The following ABCC12 variants were observed in gnomAD, a reference collection of about 807,000 sequenced individuals.
The protein encoded by ABCC12 is ATP-binding cassette sub-family C member 12.
In ABCC12, 142 loss-of-function variants were observed where a neutral mutation model predicts 151.1. The observed-to-expected ratio is 0.94, with a 90% CI of 0.82 to 1.08. The LOEUF is 1.08. Ranked by LOEUF, ABCC12 falls within the 50% of genes least tolerant of loss-of-function variation. ABCC12 has a pLI of 0.00. For synonymous variants in ABCC12, 645 were observed against 646.4 expected, an observed-to-expected ratio of 1.00 and a Z score of 0.03; for missense variants, 1,638 against 1,691.1, an observed-to-expected ratio of 0.97 and a Z score of 0.55.
rs1290863912 is a variant in ABCC12, at chr16:48,138,405, G to T, written c.832-30C>A. 5.0e-6 allele frequency: 8 copies of T among 1,591,426 alleles called. No individual in the cohort carries two copies. The East Asian group carries it at 1.6e-4, about 31-fold the overall frequency. On this transcript the variant is annotated intron_variant, in intron 7 of 30. Transcript: ENST00000311303. ...AATCAAGGTACAAACACTGTTTTCA[G>T]AGAGAAGTGCTGAGTTGCAGCTGGC...
chr16:48,128,697 T>C lies in ABCC12; in HGVS notation c.1277A>G (p.Gln426Arg). Residue 426 changes from glutamine to arginine, a missense_variant, in exon 11 of 31, where the codon CAA becomes CGA. Gln to Arg is a conservative substitution (Grantham distance 43). Transcript: ENST00000311303. The stretch of plus-strand genomic sequence containing the variant: ...CAAGACAGTATCTGGGTCTTCTGGT[T>C]GGGTGATGTAAGATGGGGGGCTTTT... ...IDKSPPSYIT[Q>R]PEDPDTVLLL... 1 of 1,614,136 alleles carries C rather than the reference T, an allele frequency of 6.2e-7. No homozygotes were observed. Among genetic ancestry groups the C allele is most frequent in the Non-Finnish European group, 8.5e-7 (1 of 1,180,020 alleles).
At chr16:48,134,699 C>T (rs916029249) in intron 8 of ABCC12, among the ~76,000 whole-genome samples, 5 of 152,182 alleles carry the variant, frequency 3.3e-5, no homozygotes, top group Non-Finnish European at 7.3e-5. Context: ...TTTCCTTAAC[C>T]AGGTGCAAAT....
chr16:48,121,611 A>G, intron 13 of ABCC12, 105 bp downstream of exon 13: 1 of 1,425,156 alleles, frequency 7.0e-7, no homozygotes, highest in South Asian at 1.3e-5. Flanking sequence ...ATCAGAATTC[A>G]TTAAACTCAG....
At chr16:48,136,615 T>C (rs531331093) in intron 8 of ABCC12, among the ~76,000 whole-genome samples, 2 of 152,140 alleles carry the variant, frequency 1.3e-5, no homozygotes. Flanking sequence ...ACAAATTGTG[T>C]TGAGTGATCT....
At chr16:48,146,261 G>A (rs1964996704) in intron 3 of ABCC12, 45 bp downstream of exon 3, 1 of 1,569,648 alleles carries the variant, frequency 6.4e-7, no homozygotes, top group Middle Eastern at 1.7e-4. Context: ...GGACATTCCT[G>A]GAGGTCCTGC....
At chr16:48,091,800 G>A (rs1398574194) in intron 24 of ABCC12, among the ~76,000 whole-genome samples, 1 of 152,210 alleles carries the variant, frequency 6.6e-6, no homozygotes, top group Non-Finnish European at 1.5e-5. Flanking sequence ...AGGGCAGGTT[G>A]AATGGTGTCC....
chr16:48,128,641 G>A lies in ABCC12; in HGVS notation c.1333C>T (p.His445Tyr). The stretch of plus-strand genomic sequence containing the variant: ...GGGGTACTTTTCCTGCTGGCTTCAT[G>A]CTCCCATGTCAAGGTGGCATTTGCT... ...LLANATLTWE[H>Y]EASRKSTPKK... is the part of the protein sequence containing the mutation. Residue 445 changes from histidine to tyrosine, a missense_variant, in exon 11 of 31, where the codon CAT becomes TAT. His to Tyr is a moderately conservative substitution (Grantham distance 83, BLOSUM62 2). Transcript: ENST00000311303. 1 of 1,614,148 alleles carries A rather than the reference G, an allele frequency of 6.2e-7. No individual in the cohort carries two copies. Among genetic ancestry groups the A allele is most frequent in the African/African-American group, 1.3e-5 (1 of 75,020 alleles).
In ABCC12 at chr16:48,138,229, T is replaced by C. The variant is rs752629088; in HGVS notation, c.978A>G (p.Gln326=). 2 of 1,606,262 alleles carry C rather than the reference T, an allele frequency of 1.2e-6. No individual in the cohort carries two copies. The change falls in exon 8 of 31, where the codon CAA becomes CAG. Residue 326 remains glutamine (Q), a splice_region_variant and synonymous_variant. Transcript: ENST00000311303. ...TTTAAGCAGCTACTCTTGTCCTACC[T>C]TGGATAGTGTTGGTAAAAGATTTCT... is the stretch of plus-strand genomic sequence containing the variant. ...AWEKSFTNTI[Q]DIRRRERKLL... is the part of the protein sequence containing the mutation.
rs745365821 is a variant in ABCC12, at chr16:48,139,158, G to A, written c.831+5C>T. 16 of 1,580,910 alleles carry A rather than the reference G, an allele frequency of 1.0e-5. No individual in the cohort carries two copies. The East Asian group carries it at 1.8e-4, about 18-fold the overall frequency. The stretch of plus-strand genomic sequence containing the variant: ...GCAGTTAGAAGCGCAAAAGCCTGCC[G>A]TTACCTGGACGGGTATGAATATGAC... On this transcript the variant is annotated splice_donor_5th_base_variant and intron_variant, in intron 7 of 30. Transcript: ENST00000311303.
rs1963443494 is a variant in ABCC12 at position 48,105,137 on chromosome 16, A to G, written c.2673+2T>C. 6.2e-7 allele frequency: 1 copy of G among 1,614,050 alleles called. No individual in the cohort carries two copies. The highest frequency in any genetic ancestry group is 8.5e-7 in the Non-Finnish European group (1 of 1,180,012). The stretch of plus-strand genomic sequence containing the variant: ...GTACACCTGCAATGCTTGTGGCCCT[A>G]CCTTATCAAACACCGTGTCATGCAG... On this transcript the variant is annotated splice_donor_variant, in intron 21 of 30. Coordinates refer to ENST00000311303, the MANE Select transcript of ABCC12 (RefSeq NM_001393797.1). LOFTEE classifies it high-confidence loss of function.
intron 2 of ABCC12, among the ~76,000 whole-genome samples, chr16:48,146,941 C>A (rs41280933): frequency 2.0e-5 from 3 of 151,768 alleles, no homozygotes; most frequent in African/African-American, 7.3e-5. Flanking sequence ...GCACACACAC[C>A]GCCATGCGCA....
At position 48,105,227 on chromosome 16, in the gene ABCC12, A is replaced by G; in HGVS notation, c.2585T>C (p.Met862Thr). Residue 862 changes from methionine (M) to threonine (T), a missense_variant, in exon 21 of 31, where the codon ATG becomes ACG. Physicochemically the swap from Met to Thr is moderately conservative, Grantham distance 81. Coordinates refer to ENST00000311303, the MANE Select transcript of ABCC12 (RefSeq NM_001393797.1). ...QWVYTASMVFMLVFGVTKGFV... is the reference protein window; with the variant it reads ...QWVYTASMVFTLVFGVTKGFV... ...GCCTTTGGTGACGCCAAACACCAGC[A>G]TGAACACCATGCTTGCAGTGTACAC... The G allele has an allele frequency of 6.2e-7, 1 of 1,614,176 alleles. No homozygotes were observed. Among genetic ancestry groups the G allele is most frequent in the Non-Finnish European group, 8.5e-7 (1 of 1,180,036 alleles).
In ABCC12 at chr16:48,088,544, C is replaced by A; in HGVS notation, c.3475+1G>T. 1 of 1,613,488 alleles carries A rather than the reference C, an allele frequency of 6.2e-7. No individual in the cohort carries two copies. The highest frequency in any genetic ancestry group is 1.1e-5 in the South Asian group (1 of 90,912). On this transcript the variant is annotated splice_donor_variant, in intron 26 of 30. Transcript: ENST00000311303. LOFTEE classifies it high-confidence loss of function. ...GAAACAAAAGCAGAGCTTGTCCTCA[C>A]CGGAACCTGTTCTTCCAACAATCCC...
chr16:48,140,639 C>G (rs770594344), intron 6 of ABCC12, 48 bp downstream of exon 6: 53 of 1,570,514 alleles, frequency 3.4e-5, no homozygotes, highest in Non-Finnish European at 4.6e-5. Flanking sequence ...TGCACTCAAA[C>G]CACTCAGGGC....
rs374820619 is a variant in ABCC12 at position 48,139,211 on chromosome 16, G to C, written c.783C>G (p.Pro261=). The change falls in exon 7 of 31, where the codon CCC becomes CCG. Residue 261 remains proline, a synonymous_variant. Coordinates refer to ENST00000311303, the MANE Select transcript of ABCC12 (RefSeq NM_001393797.1). ...CAAYAFFILG[P]TALIGISVYV... Reference sequence around the variant, plus strand: ...ACACTGATATCCCGATGAGAGCTGTGGGCCCCAGAATGAAAAAGGCGTACG... The same window carrying C: ...ACACTGATATCCCGATGAGAGCTGTCGGCCCCAGAATGAAAAAGGCGTACG... 1.4e-5 allele frequency: 23 copies of C among 1,613,838 alleles called. No homozygotes were observed. The highest frequency in any genetic ancestry group is 1.9e-5 in the Non-Finnish European group (23 of 1,179,990).
At chr16:48,120,341 C>T (rs562768454) in intron 13 of ABCC12, among the ~76,000 whole-genome samples, 8 of 152,160 alleles carry the variant, frequency 5.3e-5, no homozygotes, top group Admixed American at 2.0e-4. Context: ...AGAGGGCGCA[C>T]GGATGAACAG....
chr16:48,115,575 C>T lies in ABCC12; in HGVS notation c.1829G>A (p.Arg610Lys). ...GLNLSGGQRQRISLARAVYSD... is the reference protein window; with the variant it reads ...GLNLSGGQRQKISLARAVYSD... ...GTAGACAGCGCGGGCCAGGCTAATC[C>T]TCTGCCTCTGCCCCCCAGAGAGGTT... The change falls in exon 15 of 31, where the codon AGG (arginine) becomes AAG (lysine). Residue 610 changes from arginine to lysine, a missense_variant. Transcript: ENST00000311303. The T allele has an allele frequency of 6.2e-7, 1 of 1,614,128 alleles. No individual in the cohort carries two copies. Among genetic ancestry groups the T allele is most frequent in the Non-Finnish European group, 8.5e-7 (1 of 1,180,000 alleles).
intron 11 of ABCC12, among the ~76,000 whole-genome samples, chr16:48,126,598 T>C (rs1256755093): frequency 6.6e-6 from 1 of 152,168 alleles, no homozygotes; most frequent in African/African-American, 2.4e-5. Context: ...CATTTTTATG[T>C]GGTATCTGAG....
chr16:48,093,399 C>T (rs189819579), intron 24 of ABCC12, among the ~76,000 whole-genome samples: 7 of 152,186 alleles, frequency 4.6e-5, no homozygotes, highest in Admixed American at 2.6e-4. Context: ...TTCCAGTCTT[C>T]CTTGGCTGGT....
Sources: gnomAD v4.1 joint callset for allele counts (sites outside exome capture counted in the v4.1 genomes callset) on GRCh38, gnomAD v4.1.1 for gene constraint, MANE v1.5 for transcripts, NCBI Gene and HGNC (gene_info 2026-07-23, HGNC 2026-07-21) for gene names.